Variants in ESYT2 observed in about 807,000 individuals in gnomAD.
ESYT2 encodes the protein extended synaptotagmin-2.
A neutral mutation model predicts 107.2 loss-of-function variants in ESYT2; 54 were observed. That is an observed-to-expected ratio of 0.50 (90% CI 0.40 to 0.63). The LOEUF (loss-of-function observed/expected upper bound fraction) is 0.63, where lower values mean the gene tolerates loss of function less well. ESYT2 is among the 30% of genes least tolerant of loss of function. ESYT2 has a pLI of 0.00. For missense variants in ESYT2, 1,020 were observed against 1,094.5 expected, an observed-to-expected ratio of 0.93 and a Z score of 0.96; for synonymous variants, 491 against 434.1, an observed-to-expected ratio of 1.13 and a Z score of -1.63.
intron 7 of ESYT2, among the ~76,000 whole-genome samples, chr7:158,769,947 CAG>C (rs1318303818): frequency 6.6e-6 from 1 of 151,704 alleles, no homozygotes; most frequent in African/African-American, 2.4e-5. Flanking sequence ...TTTTTTGAGA[CAG>C]AGTCTCATTC....
intron 6 of ESYT2, among the ~76,000 whole-genome samples, chr7:158,782,307 AGT>A (rs1304674453): frequency 5.7e-4 from 86 of 151,644 alleles, no homozygotes; most frequent in East Asian, 1.7e-3. Flanking sequence ...CAAGTGAACA[AGT>A]GTGAGTGAAC....
chr7:158,778,930 G>A (rs1363441764), intron 6 of ESYT2, among the ~76,000 whole-genome samples: 1 of 151,800 alleles, frequency 6.6e-6, no homozygotes, highest in Non-Finnish European at 1.5e-5. Flanking sequence ...AGGAACAGAA[G>A]ATGTAACTTT....
At chr7:158,796,443 T>C (rs1038263888) in intron 3 of ESYT2, among the ~76,000 whole-genome samples, 5 of 152,200 alleles carry the variant, frequency 3.3e-5, no homozygotes, top group African/African-American at 1.2e-4. Context: ...TTAGAGTCAT[T>C]AGTAGTTTTG....
At chr7:158,758,417 C>T (rs1019408986) in intron 13 of ESYT2, among the ~76,000 whole-genome samples, 1 of 152,060 alleles carries the variant, frequency 6.6e-6, no homozygotes, top group African/African-American at 2.4e-5. Flanking sequence ...TACAGGGGAT[C>T]GAGAGGCCGA....
chr7:158,794,552 A>G (rs1233968456), intron 3 of ESYT2, among the ~76,000 whole-genome samples: 1 of 152,158 alleles, frequency 6.6e-6, no homozygotes, highest in Non-Finnish European at 1.5e-5. Context: ...GCACTTTGGC[A>G]GGTGGAGGCG....
chr7:158,734,343 T>C, intron 22 of ESYT2, 79 bp downstream of exon 22: 1 of 1,611,688 alleles, frequency 6.2e-7, no homozygotes, highest in South Asian at 1.1e-5. Flanking sequence ...CCACTGTCTG[T>C]GGGGGACACT....
At chr7:158,736,829 T>C (rs1015099042) in intron 20 of ESYT2, among the ~76,000 whole-genome samples, 15 of 152,238 alleles carry the variant, frequency 9.9e-5, no homozygotes, top group African/African-American at 3.6e-4. Context: ...AGTCTACATG[T>C]CCACAGGGTT....
At chr7:158,764,984 G>A (rs1239830829) in intron 8 of ESYT2, 131 bp from the exon 9 acceptor site, 11 of 843,630 alleles carry the variant, frequency 1.3e-5, no homozygotes, top group South Asian at 1.0e-4. Flanking sequence ...TTCTGGTGCC[G>A]AGTACATCCC....
chr7:158,795,457 T>C (rs780237000), intron 3 of ESYT2, among the ~76,000 whole-genome samples: 1 of 152,198 alleles, frequency 6.6e-6, no homozygotes, highest in African/African-American at 2.4e-5. Context: ...TGCTGTAACT[T>C]AGGGCATAAC....
At chr7:158,800,961 G>C (rs777673743) in intron 1 of ESYT2, among the ~76,000 whole-genome samples, 31 of 152,104 alleles carry the variant, frequency 2.0e-4, no homozygotes, top group Non-Finnish European at 4.0e-4. Flanking sequence ...TGTAGGCATG[G>C]GTGCCAACCC....
intron 15 of ESYT2, 105 bp from the exon 16 acceptor site, chr7:158,748,385 A>G (rs559806437): frequency 5.5e-6 from 5 of 904,150 alleles, no homozygotes; most frequent in Non-Finnish European, 5.1e-6. Context: ...GAAAATAAAT[A>G]AAACAAAAAA....
chr7:158,747,176 G>A (rs548231763), intron 16 of ESYT2, among the ~76,000 whole-genome samples: 7 of 151,476 alleles, frequency 4.6e-5, no homozygotes, highest in South Asian at 2.1e-4. Flanking sequence ...GTGAAACCCC[G>A]TCTCCACTAA....
chr7:158,782,399 C>CGAGTG (rs56922536), intron 6 of ESYT2, among the ~76,000 whole-genome samples: 1 of 111,836 alleles, frequency 8.9e-6, no homozygotes, highest in African/African-American at 3.8e-5. Flanking sequence ...AGAACGAGAA[C>CGAGTG]AAGTGAGTGA....
Position 158,797,984 on chromosome 7 carries a change from G to A in ESYT2, c.465C>T (p.His155=), listed in dbSNP as rs765056328. 3 of 1,614,134 alleles carry A rather than the reference G, an allele frequency of 1.9e-6. No individual in the cohort carries two copies. Among genetic ancestry groups the A allele is most frequent in the South Asian group, 2.2e-5 (2 of 91,080 alleles). ...IEPAVRGANT[H]LSTFSFTKVD... Reference sequence around the variant, plus strand: ...CCTTCGTGAAACTAAAGGTGCTAAGGTGGGTGTTTGCTCCCCGCACGGCTG... The same window carrying A: ...CCTTCGTGAAACTAAAGGTGCTAAGATGGGTGTTTGCTCCCCGCACGGCTG... Residue 155 remains histidine, a synonymous_variant, in exon 3 of 23, where the codon CAC becomes CAT. Coordinates refer to ENST00000275418, the MANE Select transcript of ESYT2 (RefSeq NM_001367773.1).
At chr7:158,743,922 A>C in intron 16 of ESYT2, 1 of 356,798 alleles carries the variant, frequency 2.8e-6, no homozygotes, top group Non-Finnish European at 5.0e-6. Context: ...AAAATACAAA[A>C]AATTAGTTGG....
chr7:158,734,545 TTGGGAGGCCAAGA>T (rs1331855290), intron 21 of ESYT2, 74 bp from the exon 22 acceptor site: 2 of 1,385,832 alleles, frequency 1.4e-6, no homozygotes, highest in Non-Finnish European at 2.0e-6. Flanking sequence ...TCCCAGCACT[TTGGGAGGCCAAGA>T]TGGGAGGATC....
chr7:158,740,525 C>A (rs1837153803), intron 18 of ESYT2, among the ~76,000 whole-genome samples: 1 of 149,976 alleles, frequency 6.7e-6, no homozygotes, highest in Non-Finnish European at 1.5e-5. Flanking sequence ...TGCTCTCTTC[C>A]CATCTGATGA....
intron 13 of ESYT2, among the ~76,000 whole-genome samples, chr7:158,754,135 T>A (rs1166286446): frequency 6.6e-6 from 1 of 152,150 alleles, no homozygotes; most frequent in Admixed American, 6.5e-5. Context: ...GAGTTACTCA[T>A]CTTGCAGCCT....
At chr7:158,825,254 C>T (rs1437556135) in intron 1 of ESYT2, among the ~76,000 whole-genome samples, 2 of 152,190 alleles carry the variant, frequency 1.3e-5, no homozygotes, top group African/African-American at 2.4e-5. Flanking sequence ...GACCATGCCA[C>T]TGCCCTTCAT....
Sources: allele counts gnomAD v4.1 joint callset (sites outside exome capture counted in the v4.1 genomes callset), GRCh38; gene constraint gnomAD v4.1.1; transcripts MANE v1.5; gene names NCBI Gene and HGNC (gene_info 2026-07-23, HGNC 2026-07-21).